Variants in CEP170B observed in about 807,000 individuals in gnomAD.
CEP170B encodes the protein centrosomal protein 170B.
Under a neutral mutation model 120.6 loss-of-function variants are expected in CEP170B, and 55 were observed. The observed-to-expected ratio is 0.46, with a 90% CI of 0.37 to 0.57. The LOEUF is 0.57. Among genes scored for constraint, CEP170B ranks in the 20% least tolerant of loss-of-function variants. The pLI, the probability that CEP170B is intolerant of heterozygous loss-of-function variation, is 0.00. For synonymous variants in CEP170B, 1,033 were observed against 954.5 expected, an observed-to-expected ratio of 1.08 and a Z score of -1.52; for missense variants, 2,212 against 2,253.3, an observed-to-expected ratio of 0.98 and a Z score of 0.37.
chr14:104,871,800 G>T (rs550343088), intron 2 of CEP170B, among the ~76,000 whole-genome samples: 4 of 152,340 alleles, frequency 2.6e-5, no homozygotes, highest in African/African-American at 9.6e-5. Flanking sequence ...GGACATGGAG[G>T]GGAGACAAGC....
chr14:104,881,612 G>T (rs1595335585), intron 6 of CEP170B, among the ~76,000 whole-genome samples: 1 of 152,230 alleles, frequency 6.6e-6, no homozygotes, highest in Non-Finnish European at 1.5e-5. Flanking sequence ...GTGACAGCCA[G>T]TGTGGGGCTG....
At chr14:104,888,732 C>T (rs1321199462) in intron 12 of CEP170B, among the ~76,000 whole-genome samples, 1 of 152,262 alleles carries the variant, frequency 6.6e-6, no homozygotes, top group Admixed American at 6.5e-5. Flanking sequence ...CCTACCCACC[C>T]ACGATCCCAG....
At chr14:104,877,141 G>A (rs992976733) in intron 3 of CEP170B, among the ~76,000 whole-genome samples, 1 of 152,114 alleles carries the variant, frequency 6.6e-6, no homozygotes, top group African/African-American at 2.4e-5. Context: ...CCGGCCAGGG[G>A]GTCTCAGGCT....
rs1471382391 is a variant in CEP170B, at chr14:104,883,053, T to C, written c.596T>C (p.Val199Ala). 7.8e-6 allele frequency: 12 copies of C among 1,538,920 alleles called. No homozygotes were observed. The highest frequency in any genetic ancestry group is 9.6e-6 in the Non-Finnish European group (11 of 1,145,170). The part of the protein sequence containing the change: ...EPYPERPKGP[V>A]QQDGELHGFR... ...ACACCAGAGCGCCCCAAGGGACCAG[T>C]GCAGCAGGACGGGGAGCTCCACGGC... is the stretch of plus-strand genomic sequence containing the variant. The change falls in exon 8 of 19, where the codon GTG becomes GCG. Residue 199 changes from valine to alanine, a missense_variant. By Grantham distance (64) the Val-to-Ala change is moderately conservative. Transcript: ENST00000414716.
In CEP170B at chr14:104,885,512, A is replaced by G; in HGVS notation, c.1914A>G (p.Pro638=). The stretch of plus-strand genomic sequence containing the variant: ...TACTGCAGGAGTTTGCCTCCCGGCC[A>G]CTGGGTGCGGCCCCCCAGGCGGAGC... The part of the protein sequence containing the change: ...MALLQEFASR[P]LGAAPQAEHQ... The change falls in exon 10 of 19, where the codon CCA becomes CCG. Residue 638 remains proline, a synonymous_variant. Transcript: ENST00000414716. 3 of 1,566,832 alleles carry G rather than the reference A, an allele frequency of 1.9e-6. No individual in the cohort carries two copies. The highest frequency in any genetic ancestry group is 2.6e-6 in the Non-Finnish European group (3 of 1,158,658).
In CEP170B at chr14:104,893,616, A is replaced by G; in HGVS notation, c.4132A>G (p.Ser1378Gly). The change falls in exon 15 of 19, where the codon AGC (serine) becomes GGC (glycine). Residue 1378 changes from serine (S) to glycine (G), a missense_variant. Transcript: ENST00000414716. ...SRDFDQNMND[S>G]CEDALANKTR... ...GGACTTTGACCAGAACATGAACGAC[A>G]GCTGTGAGGACGCCCTGGCCAACAA... 6.3e-7 allele frequency: 1 copy of G among 1,599,174 alleles called. No individual in the cohort carries two copies. The highest frequency in any genetic ancestry group is 1.3e-5 in the African/African-American group (1 of 74,718).
chr14:104,889,921 GAT>G, intron 13 of CEP170B, among the ~76,000 whole-genome samples, 163 bp downstream of exon 13: 1 of 72,856 alleles, frequency 1.4e-5, no homozygotes, highest in Non-Finnish European at 3.1e-5. Flanking sequence ...TGGATGGATG[GAT>G]GGATGGATGG....
Position 104,889,652 on chromosome 14 carries a change from C to T in CEP170B, c.3772C>T (p.Arg1258Trp), listed in dbSNP as rs150093473. The change falls in exon 13 of 19, where the codon CGG becomes TGG. Residue 1258 changes from arginine to tryptophan, a missense_variant. Physicochemically the swap from Arg to Trp is moderately radical, Grantham distance 101. This residue lies in a region of CEP170B where 2,166 missense variants were observed against 2,166.7 expected (regional missense o/e 1.00). Transcript: ENST00000414716. The stretch of plus-strand genomic sequence containing the variant: ...GACCCCGAGGGCTGGCAGCTCCAGC[C>T]GGGCTCGTTCCCGGGCCCCCGGCCC... ...TQTPRAGSSSRARSRAPGPRD... is the reference protein window; with the variant it reads ...TQTPRAGSSSWARSRAPGPRD... The T allele has an allele frequency of 2.2e-5, 35 of 1,612,060 alleles. No homozygotes were observed. The highest frequency in any genetic ancestry group is 1.3e-4 in the Admixed American group (8 of 59,986).
Position 104,877,869 on chromosome 14 carries a change from ACCT to A in CEP170B, c.196-15_196-13del. ...GCGCAGCTCCCCCCCCCCCCCCGCC[ACCT>A]GTTTTCCTGCAGACGTTTGTGAATG... On this transcript the variant is annotated splice_polypyrimidine_tract_variant and intron_variant, in intron 3 of 18. Transcript: ENST00000414716. 1.1e-5 allele frequency: 2 copies of A among 184,642 alleles called. No homozygotes were observed. Among genetic ancestry groups the A allele is most frequent in the South Asian group, 7.6e-5 (1 of 13,156 alleles). 11.4% of individuals were successfully genotyped at this position (184,642 alleles called of 1,614,324 possible). A position where few individuals can be genotyped will look rare whatever the true frequency, so the allele number is the denominator to read the frequency against.
rs781498532 is a variant in CEP170B at position 104,887,770 on chromosome 14, C to T, written c.3531C>T (p.Ala1177=). 2.3e-5 allele frequency: 36 copies of T among 1,579,756 alleles called. No individual in the cohort carries two copies. Among genetic ancestry groups the T allele is most frequent in the Admixed American group, 3.5e-5 (2 of 56,638 alleles). ...TCCTGGCCATGCCCCGGAAGCGGGCCGGCTCCTTCACAGGGACTAGTGACC... is the reference window on the plus strand; with the variant it reads ...TCCTGGCCATGCCCCGGAAGCGGGCTGGCTCCTTCACAGGGACTAGTGACC... The part of the protein sequence containing the change: ...LDILAMPRKR[A]GSFTGTSDPE... The change falls in exon 12 of 19, where the codon GCC becomes GCT. Residue 1177 remains alanine (A), a synonymous_variant. Transcript: ENST00000414716.
At position 104,882,816 on chromosome 14, in the gene CEP170B, G is replaced by A; in HGVS notation, c.561G>A (p.Gln187=). The A allele has an allele frequency of 6.2e-7, 1 of 1,612,194 alleles. No homozygotes were observed. Among genetic ancestry groups the A allele is most frequent in the Non-Finnish European group, 8.5e-7 (1 of 1,179,614 alleles). ...DGSTLPDAQR[Q]GEPYPERPKG... ...GCACGCTGCCTGACGCCCAGCGCCA[G>A]GGAGAGCCCTACCCAGGTTGGTCTT... Residue 187 remains glutamine (Q), a synonymous_variant, in exon 7 of 19, where the codon CAG becomes CAA. Coordinates refer to ENST00000414716, the MANE Select transcript of CEP170B (RefSeq NM_001112726.3).
intron 14 of CEP170B, 119 bp downstream of exon 14, chr14:104,893,254 G>A (rs1053319068): frequency 4.8e-6 from 6 of 1,252,676 alleles, no homozygotes; most frequent in African/African-American, 3.0e-5. Context: ...CCCACTTGGC[G>A]AGCTGGAACA....
chr14:104,876,259 C>T lies in CEP170B; in HGVS notation c.109C>T (p.Arg37Cys), dbSNP rs1257081434. The change falls in exon 3 of 19, where the codon CGC (arginine) becomes TGC (cysteine). Residue 37 changes from arginine (R) to cysteine (C), a missense_variant. Arg to Cys is a radical substitution (Grantham distance 180, BLOSUM62 -3). This residue lies in a region of CEP170B where 46 missense variants were observed against 86.6 expected (regional missense o/e 0.53). Transcript: ENST00000414716. Reference sequence around the variant, plus strand: ...GGCTGGCTGTGTGTCTCTCCAGTCCCGCAGCGTGGACAAGCAGCATGCCGT... The same window carrying T: ...GGCTGGCTGTGTGTCTCTCCAGTCCTGCAGCGTGGACAAGCAGCATGCCGT... ...REECELMLQS[R>C]SVDKQHAVIN... is the part of the protein sequence containing the mutation. 5 of 1,550,654 alleles carry T rather than the reference C, an allele frequency of 3.2e-6. No homozygotes were observed. The highest frequency in any genetic ancestry group is 2.0e-5 in the Admixed American group (1 of 50,966).
intron 14 of CEP170B, 65 bp from the exon 15 acceptor site, chr14:104,893,458 G>A: frequency 1.3e-6 from 2 of 1,546,658 alleles, no homozygotes; most frequent in Non-Finnish European, 1.7e-6. Context: ...GGAGCAGGGA[G>A]GTGCAGCCAC....
At position 104,884,412 on chromosome 14, in the gene CEP170B, C is replaced by G; in HGVS notation, c.1633C>G (p.Pro545Ala). Residue 545 changes from proline to alanine, a missense_variant, in exon 9 of 19, where the codon CCC (proline) becomes GCC (alanine). This residue lies in a region of CEP170B where 2,166 missense variants were observed against 2,166.7 expected (regional missense o/e 1.00). Transcript: ENST00000414716. ...CCCCGTGGGCCCCCCGACCCCACCG[C>G]CCGCCCCCACGGACCCCCAGCTGAC... ...TSPVGPPTPP[P>A]APTDPQLTKA... 6.5e-7 allele frequency: 1 copy of G among 1,548,044 alleles called. No homozygotes were observed. The highest frequency in any genetic ancestry group is 8.7e-7 in the Non-Finnish European group (1 of 1,146,364).
intron 13 of CEP170B, among the ~76,000 whole-genome samples, chr14:104,890,194 G>A (rs1182057393): frequency 3.3e-5 from 3 of 89,976 alleles, no homozygotes; most frequent in Admixed American, 2.3e-4. Flanking sequence ...GGATGGGTGG[G>A]TAGGTGGGTG....
At chr14:104,865,144 C>G (rs1230012432), upstream of CEP170B, 2 of 146,476 alleles carry the variant, frequency 1.4e-5, no homozygotes, top group African/African-American at 5.0e-5. This position sits in a 1 kb window ranked among gnomAD's most constrained non-coding sequence, Gnocchi z 6.7. Context: ...ACCTGGCGGC[C>G]GCGGACCCGC....
intron 3 of CEP170B, 99 bp from the exon 4 acceptor site, chr14:104,877,786 A>G: frequency 5.4e-6 from 3 of 552,780 alleles, no homozygotes; most frequent in South Asian, 1.9e-5. Flanking sequence ...GGCCCTGCCC[A>G]CTGCCACCCA....
chr14:104,879,290 G>C (rs750114261), intron 5 of CEP170B, among the ~76,000 whole-genome samples: 12 of 152,104 alleles, frequency 7.9e-5, no homozygotes, highest in Non-Finnish European at 8.8e-5. Flanking sequence ...GCGTTCCTCT[G>C]GGTGAAGGGA....
Sources: gnomAD v4.1 joint callset for allele counts (sites outside exome capture counted in the v4.1 genomes callset) on GRCh38, gnomAD v4.1.1 for gene constraint, gnomAD v4.1.1 regional missense constraint, Gnocchi (gnomAD v3.1) non-coding constraint, MANE v1.5 for transcripts, NCBI Gene and HGNC (gene_info 2026-07-23, HGNC 2026-07-21) for gene names.